The following TLCD4 variants were observed in gnomAD, a reference collection of about 807,000 sequenced individuals.
TLCD4 encodes the protein TLC domain containing 4, also known as TLC domain-containing protein 4.
TLCD4 carries 7 observed loss-of-function variants against 24.2 expected under a neutral mutation model. The observed-to-expected ratio is 0.29, with a 90% CI of 0.16 to 0.54. The LOEUF is 0.54. TLCD4 is among the 20% of genes least tolerant of loss of function. The pLI, the probability that TLCD4 is intolerant of heterozygous loss-of-function variation, is 0.95. For synonymous variants in TLCD4, 103 were observed against 106.4 expected (o/e 0.97, Z 0.20); for missense variants, 259 against 313.9 (o/e 0.82, Z 1.32).
chr1:95,112,260 ATAGAT>A, the TLCD4 span, among the ~76,000 whole-genome samples: 2 of 152,340 alleles, frequency 1.3e-5, no homozygotes, highest in African/African-American at 4.8e-5. Flanking sequence ...ATCTCAGACA[ATAGAT>A]AAGAAAGATA....
chr1:95,093,538 C>A, the TLCD4 span, among the ~76,000 whole-genome samples: 1 of 152,120 alleles, frequency 6.6e-6, no homozygotes, highest in Non-Finnish European at 1.5e-5. Context: ...GTAGATAGGA[C>A]CACAGGTAGA....
At chr1:95,138,378 T>G (rs750924022) in intron 1 of TLCD4, 1 of 152,178 alleles carries the variant, frequency 6.6e-6, no homozygotes, top group Non-Finnish European at 1.5e-5. Context: ...GCCCTATCTC[T>G]GGGAGTCCTC....
At chr1:95,185,896 A>G (rs1678815267) in intron 6 of TLCD4, among the ~76,000 whole-genome samples, 1 of 152,166 alleles carries the variant, frequency 6.6e-6, no homozygotes, top group Admixed American at 6.5e-5. Context: ...TTAACTGTAT[A>G]TCAGTAAGAA....
upstream of TLCD4, among the ~76,000 whole-genome samples, chr1:95,116,023 G>A (rs1237087150): frequency 2.6e-5 from 4 of 152,176 alleles, no homozygotes; most frequent in South Asian, 2.1e-4. Flanking sequence ...ATGGGACACC[G>A]TGTGGTTCAA....
chr1:95,157,658 G>A (rs1571751625), intron 5 of TLCD4, among the ~76,000 whole-genome samples: 1 of 152,214 alleles, frequency 6.6e-6, no homozygotes, highest in Non-Finnish European at 1.5e-5. Flanking sequence ...ATTATCTAAA[G>A]GCTCATTGGT....
At chr1:95,136,190 C>A (rs1357359941) in intron 1 of TLCD4, among the ~76,000 whole-genome samples, 1 of 152,080 alleles carries the variant, frequency 6.6e-6, no homozygotes, top group African/African-American at 2.4e-5. Context: ...GGGACTGATG[C>A]TTGATCAAAA....
chr1:95,161,328 G>T (rs12745543), intron 5 of TLCD4, among the ~76,000 whole-genome samples: 67,452 of 152,020 alleles, frequency 0.44, 16,426 homozygotes, highest in Middle Eastern at 0.58. Flanking sequence ...TAGTTTGCAT[G>T]TCTGTGGGAT....
intron 1 of TLCD4, among the ~76,000 whole-genome samples, chr1:95,137,375 C>T (rs527558281): frequency 9.1e-4 from 139 of 152,230 alleles, no homozygotes; most frequent in Admixed American, 1.7e-3. Context: ...GACCCATCCC[C>T]TTCTTTTTAG....
intron 1 of TLCD4, among the ~76,000 whole-genome samples, chr1:95,137,778 A>C: frequency 6.8e-6 from 1 of 146,848 alleles, no homozygotes; most frequent in East Asian, 2.1e-4. Context: ...ACGGTCACCC[A>C]GGCCTGAGTG....
At chr1:95,163,306 G>T (rs567507330) in intron 5 of TLCD4, 12 of 152,204 alleles carry the variant, frequency 7.9e-5, no homozygotes, top group African/African-American at 2.4e-4. Context: ...ACTGAAGCTT[G>T]TGCATGTGTC....
At chr1:95,094,612 T>G in the TLCD4 span, among the ~76,000 whole-genome samples, 2 of 152,206 alleles carry the variant, frequency 1.3e-5, no homozygotes, top group Non-Finnish European at 1.5e-5. Flanking sequence ...ATCTGTGAAC[T>G]GGTCTTGATC....
chr1:95,095,959 A>G, the TLCD4 span, among the ~76,000 whole-genome samples: 11 of 152,252 alleles, frequency 7.2e-5, no homozygotes, highest in African/African-American at 2.2e-4. Context: ...TCAGGAGCCA[A>G]AGGGAAGATA....
In TLCD4 at chr1:95,191,740, A is replaced by G. The variant is rs1679036774; in HGVS notation, c.664A>G (p.Ser222Gly). ...GVLIQLSWVI[S>G]CVVLDVMNVM... ...TTTAATCCAGTTATCCTGGGTCATTAGTTGTGTTGTTTTGGATGTGATGAA... is the reference window on the plus strand; with the variant it reads ...TTTAATCCAGTTATCCTGGGTCATTGGTTGTGTTGTTTTGGATGTGATGAA... The change falls in exon 7 of 7, where the codon AGT becomes GGT. Residue 222 changes from serine to glycine, a missense_variant. Transcript: ENST00000370203. 1.2e-6 allele frequency: 2 copies of G among 1,614,062 alleles called. No homozygotes were observed. Among genetic ancestry groups the G allele is most frequent in the South Asian group, 2.2e-5 (2 of 91,084 alleles).
chr1:95,155,737 G>A (rs1677613146), intron 5 of TLCD4, among the ~76,000 whole-genome samples: 1 of 141,158 alleles, frequency 7.1e-6, no homozygotes. Flanking sequence ...GCACCCCAGT[G>A]TGACTCACAG....
At chr1:95,133,760 T>C (rs1450914315) in intron 1 of TLCD4, among the ~76,000 whole-genome samples, 1 of 151,962 alleles carries the variant, frequency 6.6e-6, no homozygotes, top group African/African-American at 2.4e-5. Context: ...GGCTGTCTGA[T>C]CCCTCTGTAA....
chr1:95,133,966 G>C (rs1676975487), intron 1 of TLCD4, among the ~76,000 whole-genome samples: 1 of 151,700 alleles, frequency 6.6e-6, no homozygotes, highest in Non-Finnish European at 1.5e-5. Context: ...GATTAAAGAG[G>C]GATGTACAAG....
intron 6 of TLCD4, among the ~76,000 whole-genome samples, chr1:95,188,760 A>C (rs928569526): frequency 6.6e-6 from 1 of 152,166 alleles, no homozygotes; most frequent in Non-Finnish European, 1.5e-5. Context: ...CTGGCCCTAA[A>C]TGATACTCTA....
intron 5 of TLCD4, among the ~76,000 whole-genome samples, chr1:95,162,879 T>A (rs1366153008): frequency 6.6e-6 from 1 of 152,242 alleles, no homozygotes; most frequent in Non-Finnish European, 1.5e-5. Flanking sequence ...CCGCTGTTAG[T>A]CTGTTGGGCT....
At chr1:95,172,472 C>T (rs965165549) in intron 5 of TLCD4, among the ~76,000 whole-genome samples, 3 of 152,080 alleles carry the variant, frequency 2.0e-5, no homozygotes, top group African/African-American at 7.2e-5. Context: ...TATGGCTGTG[C>T]CCTAGTTGAC....
Sources: allele counts gnomAD v4.1 joint callset (sites outside exome capture counted in the v4.1 genomes callset), GRCh38; gene constraint gnomAD v4.1.1; transcripts MANE v1.5; gene names NCBI Gene and HGNC (gene_info 2026-07-23, HGNC 2026-07-21).